The following PIK3C2B variants were observed in gnomAD, a reference collection of about 807,000 sequenced individuals.
The protein encoded by PIK3C2B is phosphatidylinositol 4-phosphate 3-kinase C2 domain-containing subunit beta.
PIK3C2B carries 83 observed loss-of-function variants against 184.3 expected under a neutral mutation model. The ratio of observed to expected loss-of-function variants is 0.45; its 90% confidence interval spans 0.38 to 0.54. PIK3C2B has a LOEUF of 0.54. Among genes scored for constraint, PIK3C2B ranks in the 20% least tolerant of loss-of-function variants. The pLI is 0.00. For synonymous variants in PIK3C2B, 779 were observed against 837.6 expected (o/e 0.93, Z 1.21); for missense variants, 1,736 against 2,113.5 (o/e 0.82, Z 3.50).
chr1:204,490,096 C>A (rs928016856), intron 1 of PIK3C2B: 6 of 395,718 alleles, frequency 1.5e-5, no homozygotes, highest in East Asian at 7.1e-5. Flanking sequence ...GCAGGAGTGA[C>A]ACAGTCATGA....
Position 204,423,782 on chromosome 1 carries a change from TG to T in PIK3C2B, c.*1069del, listed in dbSNP as rs1349732585. 1 of 151,096 alleles carries T rather than the reference TG, an allele frequency of 6.6e-6. No homozygotes were observed. Among genetic ancestry groups the T allele is most frequent in the African/African-American group, 2.4e-5 (1 of 40,852 alleles). 9.4% of individuals were successfully genotyped at this position (151,096 alleles called of 1,614,324 possible). A position where few individuals can be genotyped will look rare whatever the true frequency, so the allele number is the denominator to read the frequency against. On this transcript the variant is annotated 3_prime_UTR_variant, in exon 33 of 33. Transcript: ENST00000684373. Reference sequence around the variant, plus strand: ...CAGCACAGCAGAAAGAAGTGGGGAGTGATGGATGGGGAATGCTTTCCAGAGG... The same window carrying T: ...CAGCACAGCAGAAAGAAGTGGGGAGTATGGATGGGGAATGCTTTCCAGAGG...
Position 204,449,855 on chromosome 1 carries a change from G to A in PIK3C2B, c.2229C>T (p.Phe743=). The part of the protein sequence containing the change: ...LGWVTTPLFN[F]RQVLTCGRKL... ...GTACCCTGGGGCTCACATACTGCCT[G>A]AAGTTGAAGAGTGGGGTAGTGACCC... Residue 743 remains phenylalanine (F), a synonymous_variant, in exon 13 of 33, where the codon TTC becomes TTT. Transcript: ENST00000684373. The A allele has an allele frequency of 6.2e-7, 1 of 1,608,912 alleles. No individual in the cohort carries two copies. The highest frequency in any genetic ancestry group is 8.5e-7 in the Non-Finnish European group (1 of 1,177,472).
chr1:204,443,007 C>T (rs1445998299), intron 19 of PIK3C2B, among the ~76,000 whole-genome samples: 1 of 152,242 alleles, frequency 6.6e-6, no homozygotes. Context: ...AGGAACACTG[C>T]TGGCTGGTTA....
At position 204,469,363 on chromosome 1, in the gene PIK3C2B, A is replaced by G. The variant is rs1344212697; in HGVS notation, c.440T>C (p.Ile147Thr). 6.5e-7 allele frequency: 1 copy of G among 1,529,188 alleles called. No individual in the cohort carries two copies. The highest frequency in any genetic ancestry group is 8.8e-7 in the Non-Finnish European group (1 of 1,141,384). The allele number at this position is 1,529,188 out of a possible 1,614,324, so 94.7% of individuals were successfully genotyped here. A position where few individuals can be genotyped will look rare whatever the true frequency, so the allele number is the denominator to read the frequency against. ...GVSSSPGPGD[I>T]EGSCKKLSPP... Reference sequence around the variant, plus strand: ...GGATAGTTTCTTGCAAGAGCCCTCTATGTCCCCTGGTCCTGGGGACGAAGA... The same window carrying G: ...GGATAGTTTCTTGCAAGAGCCCTCTGTGTCCCCTGGTCCTGGGGACGAAGA... Residue 147 changes from isoleucine (I) to threonine (T), a missense_variant, in exon 2 of 33, where the codon ATA becomes ACA. Around this residue, in one of 8 missense-constraint regions of PIK3C2B, gnomAD observed 404 missense variants for 418.0 expected, o/e 0.97. Coordinates refer to ENST00000684373, the MANE Select transcript of PIK3C2B (RefSeq NM_001377334.1).
intron 32 of PIK3C2B, among the ~76,000 whole-genome samples, chr1:204,425,396 T>G (rs1674690741): frequency 6.6e-6 from 1 of 152,176 alleles, no homozygotes; most frequent in Non-Finnish European, 1.5e-5. Flanking sequence ...AAGGGACAGA[T>G]AGTAAATATT....
rs1472511594 is a variant in PIK3C2B at position 204,438,936 on chromosome 1, T to C, written c.3515A>G (p.Lys1172Arg). The change falls in exon 23 of 33, where the codon AAG becomes AGG. Residue 1172 changes from lysine to arginine, a missense_variant and splice_region_variant. This residue lies in a region of PIK3C2B where 289 missense variants were observed against 380.4 expected (regional missense o/e 0.76). Transcript: ENST00000684373. ...CGCACTCCCCACCCACAACCCTACC[T>C]TCTCATACTCGTCCTCCCCAGGGTT... Reference protein sequence around the residue: ...KHNPGEDEYEKAVENFIYSCA... With the variant: ...KHNPGEDEYERAVENFIYSCA... 6.2e-7 allele frequency: 1 copy of C among 1,613,300 alleles called. No individual in the cohort carries two copies. The highest frequency in any genetic ancestry group is 8.5e-7 in the Non-Finnish European group (1 of 1,179,932).
chr1:204,436,570 G>A (rs1675356232), intron 23 of PIK3C2B, among the ~76,000 whole-genome samples: 1 of 152,174 alleles, frequency 6.6e-6, no homozygotes, highest in Non-Finnish European at 1.5e-5. Context: ...GGCTAGAAGG[G>A]CAGAGAAGCT....
intron 12 of PIK3C2B, among the ~76,000 whole-genome samples, chr1:204,453,146 T>C (rs1289588130): frequency 6.6e-6 from 1 of 152,178 alleles, no homozygotes; most frequent in Non-Finnish European, 1.5e-5. Flanking sequence ...CTACAAATAC[T>C]TAGCTTGCAG....
At position 204,433,235 on chromosome 1, in the gene PIK3C2B, C is replaced by T; in HGVS notation, c.3953+81G>A. 1 of 774,028 alleles carries T rather than the reference C, an allele frequency of 1.3e-6. No individual in the cohort carries two copies. Among genetic ancestry groups the T allele is most frequent in the South Asian group, 1.6e-5 (1 of 62,566 alleles). The allele number at this position is 774,028 out of a possible 1,614,324, so 47.9% of individuals were successfully genotyped here. On this transcript the variant is annotated intron_variant, in intron 26 of 32. Transcript: ENST00000684373. This position sits in a 1 kb window ranked among gnomAD's most constrained non-coding sequence, Gnocchi z 5.0. ...ATCTGAGCTAAGCTTTTCACCTTTC[C>T]CCAGTCCTCCTCCTGCCAATCCGGC...
At chr1:204,439,177 G>A (rs1675511754) in intron 22 of PIK3C2B, 106 bp from the exon 23 acceptor site, 1 of 1,144,352 alleles carries the variant, frequency 8.7e-7, no homozygotes, top group Non-Finnish European at 1.2e-6. Flanking sequence ...TAAGCTGTAA[G>A]GCATTTGGAC....
intron 15 of PIK3C2B, among the ~76,000 whole-genome samples, chr1:204,446,513 C>T (rs956191926): frequency 2.0e-5 from 3 of 152,226 alleles, no homozygotes; most frequent in Admixed American, 2.0e-4. Context: ...ACCGAATCTG[C>T]TACCCCTCCT....
At chr1:204,427,072 G>A (rs955934580) in intron 31 of PIK3C2B, among the ~76,000 whole-genome samples, 9 of 152,002 alleles carry the variant, frequency 5.9e-5, no homozygotes, top group Admixed American at 2.0e-4. Context: ...AGGAGGCGGA[G>A]GTTGCAGTAA....
chr1:204,437,120 G>C (rs922567852), intron 23 of PIK3C2B, among the ~76,000 whole-genome samples: 2 of 152,244 alleles, frequency 1.3e-5, no homozygotes, highest in East Asian at 3.9e-4. Context: ...GGAGTCAGCA[G>C]GGCTGGATTA....
At chr1:204,465,678 G>A (rs1448961876) in intron 2 of PIK3C2B, among the ~76,000 whole-genome samples, 1 of 152,244 alleles carries the variant, frequency 6.6e-6, no homozygotes, top group African/African-American at 2.4e-5. Context: ...AGGCGTGACA[G>A]GGAGCAGAGC....
rs530195884 is a variant in PIK3C2B at position 204,471,837 on chromosome 1, C to T, written c.-84-1951G>A. 1.8e-4 allele frequency among the ~76,000 whole-genome samples: 28 copies of T among 152,336 alleles called. No homozygotes were observed. In the South Asian group the frequency reaches 2.3e-3, roughly 12 times the overall value. On this transcript the variant is annotated intron_variant, in intron 1 of 32. Transcript: ENST00000684373. ...AAAAGTACAAGAGAACCCTGTGAAA[C>T]GGACCTTGTAATTACTCAGCTTGCA...
intron 5 of PIK3C2B, among the ~76,000 whole-genome samples, chr1:204,462,148 A>G (rs992226222): frequency 2.0e-5 from 3 of 151,992 alleles, no homozygotes; most frequent in African/African-American, 7.3e-5. Flanking sequence ...CATTCAAGTG[A>G]GAGTATGAGG....
chr1:204,436,595 G>A (rs1675357426), intron 23 of PIK3C2B, among the ~76,000 whole-genome samples: 1 of 152,200 alleles, frequency 6.6e-6, no homozygotes, highest in Non-Finnish European at 1.5e-5. Flanking sequence ...TTGAAAGACT[G>A]AGATTAAACA....
At chr1:204,458,247 C>A (rs1188832857) in intron 8 of PIK3C2B, among the ~76,000 whole-genome samples, 2 of 152,154 alleles carry the variant, frequency 1.3e-5, no homozygotes, top group Non-Finnish European at 1.5e-5. Flanking sequence ...ACAGCCATAA[C>A]CTCCCCTCTG....
In PIK3C2B at chr1:204,427,610, T is replaced by G. The variant is rs1311160224; in HGVS notation, c.4587+38A>C. On this transcript the variant is annotated intron_variant, in intron 31 of 32. Transcript: ENST00000684373. ...CCCAAAAAAGTAGCTAAAGAAACAT[T>G]AAAAAAGAAAAAAAATCACGGCTGT... The G allele has an allele frequency of 2.8e-6, 4 of 1,450,766 alleles. No individual in the cohort carries two copies. The Admixed American group carries it at 5.1e-5, about 19-fold the overall frequency. 89.9% of individuals were successfully genotyped at this position (1,450,766 alleles called of 1,614,324 possible). A position where few individuals can be genotyped will look rare whatever the true frequency, so the allele number is the denominator to read the frequency against.
Sources: gnomAD v4.1 joint callset for allele counts (sites outside exome capture counted in the v4.1 genomes callset) on GRCh38, gnomAD v4.1.1 for gene constraint, gnomAD v4.1.1 regional missense constraint, Gnocchi (gnomAD v3.1) non-coding constraint, MANE v1.5 for transcripts, NCBI Gene and HGNC (gene_info 2026-07-23, HGNC 2026-07-21) for gene names.